RTL4: variants seen among roughly 807,000 people sequenced by gnomAD.
The protein encoded by RTL4 is retrotransposon Gag-like protein 4.
Under a neutral mutation model 5.3 loss-of-function variants are expected in RTL4, and 4 were observed. That is an observed-to-expected ratio of 0.75 (90% confidence interval 0.37 to 1.72). The LOEUF (loss-of-function observed/expected upper bound fraction) is 1.72. Among genes scored for constraint, RTL4 ranks in the 40% most tolerant of loss-of-function variants. The probability of loss-of-function intolerance (pLI) is 0.04; values close to 1 mark genes in which losing one functional copy is unlikely to be tolerated. For synonymous variants in RTL4, 98 were observed against 87.3 expected (o/e 1.12, Z -0.68); for missense variants, 260 against 227.1 (o/e 1.14, Z -0.93).
the RTL4 span, among the ~76,000 whole-genome samples, chrX:112,234,641 G>A: frequency 1.3e-4 from 14 of 111,933 alleles, no homozygotes; most frequent in Non-Finnish European, 2.3e-4. Context: ...CCACCTGTAC[G>A]TGCTCCTCCC....
the RTL4 span, among the ~76,000 whole-genome samples, chrX:112,255,088 G>T: frequency 9.0e-6 from 1 of 111,708 alleles, no homozygotes; most frequent in Admixed American, 9.5e-5. Flanking sequence ...ACAATGAACA[G>T]GGCTAGAATC....
At chrX:112,206,054 C>A in the RTL4 span, among the ~76,000 whole-genome samples, 1 of 111,859 alleles carries the variant, frequency 8.9e-6, no homozygotes, top group Non-Finnish European at 1.9e-5. Flanking sequence ...TTGACTTGTG[C>A]TCTTCTCTTA....
the RTL4 span, among the ~76,000 whole-genome samples, chrX:112,419,031 G>GATAT: frequency 3.8e-3 from 338 of 89,654 alleles, 1 homozygote; most frequent in African/African-American, 0.014. Context: ...TTTCACATAA[G>GATAT]ATATATATAT....
chrX:112,369,383 C>A, the RTL4 span, among the ~76,000 whole-genome samples: 1 of 111,501 alleles, frequency 9.0e-6, no homozygotes, highest in Non-Finnish European at 1.9e-5. Flanking sequence ...CCAAGGGCTT[C>A]CAAATAGTAG....
the RTL4 span, among the ~76,000 whole-genome samples, chrX:112,124,375 G>A: frequency 1.8e-5 from 2 of 111,546 alleles, no homozygotes; most frequent in African/African-American, 3.3e-5. Context: ...GCACACGTAT[G>A]TTTATTGCAG....
At chrX:112,455,772 G>A (rs181971181) in exon 1 of RTL4, 917 of 714,251 alleles carry the variant, frequency 1.3e-3, no homozygotes, top group Non-Finnish European at 1.7e-3. Context: ...TTTATAGGCA[G>A]TTATGAACTG....
the RTL4 span, among the ~76,000 whole-genome samples, chrX:112,169,993 C>G: frequency 8.9e-6 from 1 of 112,240 alleles, no homozygotes; most frequent in Non-Finnish European, 1.9e-5. Flanking sequence ...CCAGTTCTCC[C>G]AGCACCATTT....
the RTL4 span, among the ~76,000 whole-genome samples, chrX:112,237,396 C>T: frequency 1.8e-5 from 2 of 111,896 alleles, no homozygotes; most frequent in Non-Finnish European, 3.8e-5. Flanking sequence ...TAGACTTTTG[C>T]CCTTAGAATT....
At chrX:112,250,932 T>A in the RTL4 span, among the ~76,000 whole-genome samples, 24 of 112,292 alleles carry the variant, frequency 2.1e-4, no homozygotes, top group African/African-American at 7.4e-4. Flanking sequence ...AAAGGAATAC[T>A]TTTTCATTCA....
chrX:112,338,123 T>A, the RTL4 span, among the ~76,000 whole-genome samples: 1 of 111,868 alleles, frequency 8.9e-6, no homozygotes, highest in African/African-American at 3.3e-5. Context: ...AGTTCCATGA[T>A]AATCATTTTC....
At chrX:112,409,241 C>T in the RTL4 span, among the ~76,000 whole-genome samples, 295 of 111,915 alleles carry the variant, frequency 2.6e-3, no homozygotes, top group African/African-American at 9.2e-3. Context: ...ACAATAAAAA[C>T]AAATAGAAAC....
chrX:112,245,112 C>T, the RTL4 span, among the ~76,000 whole-genome samples: 13 of 111,831 alleles, frequency 1.2e-4, no homozygotes, highest in African/African-American at 4.2e-4. Context: ...ACCTTTGTCT[C>T]TGGCTGCGCC....
chrX:112,093,892 C>T, the RTL4 span, among the ~76,000 whole-genome samples: 1 of 111,468 alleles, frequency 9.0e-6, no homozygotes, highest in Admixed American at 9.5e-5. Flanking sequence ...ATGCAGCTGC[C>T]ACATAGATTC....
chrX:112,320,363 A>G, the RTL4 span: 1 of 109,431 alleles, frequency 9.1e-6, no homozygotes, highest in Non-Finnish European at 1.9e-5. Flanking sequence ...GGGTTTTGGT[A>G]TGGGTTCTTA....
At chrX:112,423,930 C>T in the RTL4 span, among the ~76,000 whole-genome samples, 2 of 111,267 alleles carry the variant, frequency 1.8e-5, no homozygotes, top group Non-Finnish European at 3.8e-5. Context: ...AGAATTTGGT[C>T]ATAACTTACA....
chrX:112,311,841 C>A, the RTL4 span, among the ~76,000 whole-genome samples: 1 of 110,819 alleles, frequency 9.0e-6, no homozygotes, highest in Non-Finnish European at 1.9e-5. Context: ...CAAAAACCTT[C>A]TCCTCTATTC....
the RTL4 span, among the ~76,000 whole-genome samples, chrX:112,247,675 C>G: frequency 1.8e-5 from 2 of 112,060 alleles, no homozygotes; most frequent in Non-Finnish European, 3.8e-5. Context: ...GTGACTGAGC[C>G]AGAAATTAAA....
At chrX:112,134,041 T>C in the RTL4 span, among the ~76,000 whole-genome samples, 1 of 112,473 alleles carries the variant, frequency 8.9e-6, no homozygotes, top group Non-Finnish European at 1.9e-5. Context: ...GAAAAATTAG[T>C]CGCATAGCAG....
the RTL4 span, among the ~76,000 whole-genome samples, chrX:112,122,620 A>G: frequency 9.0e-6 from 1 of 111,396 alleles, no homozygotes; most frequent in Non-Finnish European, 1.9e-5. Flanking sequence ...AACACAAAGG[A>G]AAAATGGTTG....
Sources: gnomAD v4.1 joint callset for allele counts (sites outside exome capture counted in the v4.1 genomes callset) on GRCh38, gnomAD v4.1.1 for gene constraint, MANE v1.5 for transcripts, NCBI Gene and HGNC (gene_info 2026-07-23, HGNC 2026-07-21) for gene names.